The following RANBP2 variants were observed in gnomAD, a reference collection of about 807,000 sequenced individuals.
RANBP2 encodes the protein RAN binding protein 2.
A neutral mutation model predicts 303.6 loss-of-function variants in RANBP2; 57 were observed. The observed-to-expected ratio is 0.19, with a 90% confidence interval of 0.15 to 0.23. RANBP2 has a LOEUF of 0.23. RANBP2 is among the 10% of genes least tolerant of loss of function. The pLI is 1.00. For missense variants in RANBP2, 3,138 were observed against 3,780.8 expected (o/e 0.83, Z 4.46); for synonymous variants, 1,167 against 1,301.5 (o/e 0.90, Z 2.23).
At chr2:108,907,979 G>A in the RANBP2 span, 23 of 1,612,128 alleles carry the variant, frequency 1.4e-5, no homozygotes, top group Admixed American at 5.0e-5. Flanking sequence ...TCGACGCTCC[G>A]GCTCAGCAGC....
chr2:108,723,747 G>C (rs1332740104), intron 1 of RANBP2, among the ~76,000 whole-genome samples: 1 of 151,946 alleles, frequency 6.6e-6, no homozygotes, highest in Admixed American at 6.6e-5. Flanking sequence ...CTTGTTGTGC[G>C]GTTTTGTTTT....
At chr2:109,065,422 C>G in the RANBP2 span, among the ~76,000 whole-genome samples, 1 of 152,162 alleles carries the variant, frequency 6.6e-6, no homozygotes, top group African/African-American at 2.4e-5. Flanking sequence ...GCTGCCGACT[C>G]TGCAGTTCTT....
chr2:109,513,832 C>T, the RANBP2 span, among the ~76,000 whole-genome samples: 1 of 152,156 alleles, frequency 6.6e-6, no homozygotes, highest in Non-Finnish European at 1.5e-5. Context: ...ACCAGCAAAC[C>T]AAGCCCTCAC....
chr2:108,876,456 A>AATAT, the RANBP2 span: 1 of 355,190 alleles, frequency 2.8e-6, no homozygotes, highest in Non-Finnish European at 5.0e-6. Context: ...AGGTAATACT[A>AATAT]ATATACAAGA....
chr2:109,140,326 T>C, the RANBP2 span, among the ~76,000 whole-genome samples: 144 of 152,274 alleles, frequency 9.5e-4, no homozygotes, highest in African/African-American at 3.1e-3. Context: ...AATCTACTTA[T>C]AATGCCTTTA....
At chr2:109,680,118 G>A in the RANBP2 span, among the ~76,000 whole-genome samples, 2 of 151,702 alleles carry the variant, frequency 1.3e-5, no homozygotes, top group African/African-American at 2.4e-5. Context: ...GGCTGAGGCA[G>A]GCAGATCACG....
the RANBP2 span, among the ~76,000 whole-genome samples, chr2:109,525,079 GTTTTT>G: frequency 8.4e-6 from 1 of 119,396 alleles, no homozygotes; most frequent in African/African-American, 2.9e-5. Flanking sequence ...CCTTACCGTT[GTTTTT>G]TTTTTTTTTT....
At chr2:109,392,522 T>C in the RANBP2 span, among the ~76,000 whole-genome samples, 1 of 152,134 alleles carries the variant, frequency 6.6e-6, no homozygotes, top group Admixed American at 6.5e-5. Flanking sequence ...CTTCTTTTTT[T>C]TTTTGGAGAC....
chr2:109,402,029 C>G, the RANBP2 span, among the ~76,000 whole-genome samples: 84 of 152,332 alleles, frequency 5.5e-4, 1 homozygote, highest in African/African-American at 2.0e-3. Context: ...AAAGCAGTTG[C>G]CGCCTGTCTC....
the RANBP2 span, among the ~76,000 whole-genome samples, chr2:109,510,701 C>T: frequency 1.3e-5 from 2 of 152,206 alleles, no homozygotes; most frequent in African/African-American, 4.8e-5. Context: ...GTGACCCCTC[C>T]TCCCTGCCCA....
At chr2:109,381,291 T>C in the RANBP2 span, among the ~76,000 whole-genome samples, 173 of 152,388 alleles carry the variant, frequency 1.1e-3, no homozygotes, top group African/African-American at 4.1e-3. Flanking sequence ...TCCAGACTGC[T>C]TCTCCCCTAG....
chr2:109,685,171 C>A, the RANBP2 span, among the ~76,000 whole-genome samples: 2 of 152,198 alleles, frequency 1.3e-5, no homozygotes, highest in Non-Finnish European at 1.5e-5. Context: ...CCGCGCCCAG[C>A]CCTCTTTCTT....
At chr2:109,700,485 G>A in the RANBP2 span, among the ~76,000 whole-genome samples, 2 of 151,956 alleles carry the variant, frequency 1.3e-5, no homozygotes, top group Non-Finnish European at 2.9e-5. Context: ...CGGGGAGGGC[G>A]CTTCCAGGTC....
chr2:109,147,441 ACAT>A, the RANBP2 span, among the ~76,000 whole-genome samples: 1 of 152,338 alleles, frequency 6.6e-6, no homozygotes, highest in African/African-American at 2.4e-5. Context: ...TACTAGAGAA[ACAT>A]CATATCTGTG....
the RANBP2 span, among the ~76,000 whole-genome samples, chr2:108,830,956 C>G: frequency 9.2e-5 from 14 of 152,298 alleles, no homozygotes; most frequent in South Asian, 1.5e-3. Context: ...AGGCAGATCA[C>G]TTGAGGCCAG....
At chr2:108,972,591 G>A in the RANBP2 span, among the ~76,000 whole-genome samples, 3 of 152,364 alleles carry the variant, frequency 2.0e-5, no homozygotes, top group East Asian at 3.9e-4. Flanking sequence ...TGCCCTGCAC[G>A]CCAAGTGTTG....
At chr2:109,540,815 G>C in the RANBP2 span, among the ~76,000 whole-genome samples, 1 of 87,496 alleles carries the variant, frequency 1.1e-5, no homozygotes, top group African/African-American at 4.3e-5. Context: ...AAAAAAAAAA[G>C]CTACACATTA....
the RANBP2 span, among the ~76,000 whole-genome samples, chr2:108,919,859 G>A: frequency 6.6e-6 from 1 of 152,222 alleles, no homozygotes; most frequent in African/African-American, 2.4e-5. Context: ...TGAGTGCGTA[G>A]CTGACTTCCC....
At chr2:109,297,561 C>A in the RANBP2 span, among the ~76,000 whole-genome samples, 1 of 150,702 alleles carries the variant, frequency 6.6e-6, no homozygotes, top group Non-Finnish European at 1.5e-5. Context: ...AAGTCAATGC[C>A]TCCCACCTAG....
Sources: gnomAD v4.1 joint callset for allele counts (sites outside exome capture counted in the v4.1 genomes callset) on GRCh38, gnomAD v4.1.1 for gene constraint, MANE v1.5 for transcripts, NCBI Gene and HGNC (gene_info 2026-07-23, HGNC 2026-07-21) for gene names.